Variants in FABP5 observed in about 807,000 individuals in gnomAD.
The protein encoded by FABP5 is fatty acid-binding protein 5.
In FABP5, 7 loss-of-function variants were observed where a neutral mutation model predicts 16.9. The observed-to-expected ratio is 0.41, with a 90% CI of 0.24 to 0.78. FABP5 has a LOEUF of 0.78. Among genes scored for constraint, FABP5 ranks in the 30% least tolerant of loss-of-function variants. The probability of loss-of-function intolerance (pLI) is 0.30; values close to 1 mark genes in which losing one functional copy is unlikely to be tolerated. For missense variants in FABP5, 119 were observed against 159.5 expected (o/e 0.75, Z 1.37); for synonymous variants, 37 against 52.8 (o/e 0.70, Z 1.30).
intron 1 of FABP5, among the ~76,000 whole-genome samples, chr8:81,282,702 T>C (rs1807851119): frequency 6.6e-6 from 1 of 152,178 alleles, no homozygotes; most frequent in Non-Finnish European, 1.5e-5. Context: ...TATTGAAAGG[T>C]AGGATTTTTT....
rs1807873999 is a variant in FABP5, at chr8:81,283,958, A to C, written c.338A>C (p.Asp113Ala). 6.2e-7 allele frequency: 1 copy of C among 1,608,066 alleles called. No homozygotes were observed. Among genetic ancestry groups the C allele is most frequent in the Non-Finnish European group, 8.5e-7 (1 of 1,177,858 alleles). The change falls in exon 3 of 4, where the codon GAT (aspartate) becomes GCT (alanine). Residue 113 changes from aspartate to alanine, a missense_variant. By Grantham distance (126) the Asp-to-Ala change is moderately radical (BLOSUM62 -2). Coordinates refer to ENST00000297258, the MANE Select transcript of FABP5 (RefSeq NM_001444.3). ...AGCACAATAACAAGAAAATTGAAAGATGGGAAATTAGTGGTGGTAAGTGTC... is the reference window on the plus strand; with the variant it reads ...AGCACAATAACAAGAAAATTGAAAGCTGGGAAATTAGTGGTGGTAAGTGTC... ...KESTITRKLK[D>A]GKLVVECVMN...
intron 1 of FABP5, among the ~76,000 whole-genome samples, chr8:81,282,599 A>C (rs899606574): frequency 2.0e-5 from 3 of 152,180 alleles, no homozygotes; most frequent in Non-Finnish European, 4.4e-5. Flanking sequence ...ATTACATGTT[A>C]ACGTTGAGGG....
chr8:81,284,431 A>G (rs1317223460), intron 3 of FABP5, 83 bp from the exon 4 acceptor site: 1 of 892,868 alleles, frequency 1.1e-6, no homozygotes, highest in Non-Finnish European at 1.8e-6. Context: ...ATTTCGTGGG[A>G]CTTTGATTCT....
chr8:81,284,056 A>G (rs1271486493), intron 3 of FABP5, 82 bp downstream of exon 3: 1 of 1,047,072 alleles, frequency 9.6e-7, no homozygotes. Flanking sequence ...ATTGATCATT[A>G]ACAGAACTCA....
chr8:81,283,965 A>G lies in FABP5; in HGVS notation c.345A>G (p.Lys115=), dbSNP rs1807874292. The G allele has an allele frequency of 6.2e-7, 1 of 1,606,070 alleles. No individual in the cohort carries two copies. The highest frequency in any genetic ancestry group is 1.7e-5 in the Admixed American group (1 of 59,956). The change falls in exon 3 of 4, where the codon AAA becomes AAG. Residue 115 remains lysine, a synonymous_variant. Coordinates refer to ENST00000297258, the MANE Select transcript of FABP5 (RefSeq NM_001444.3). ...TAACAAGAAAATTGAAAGATGGGAAATTAGTGGTGGTAAGTGTCAAACTGC... is the reference window on the plus strand; with the variant it reads ...TAACAAGAAAATTGAAAGATGGGAAGTTAGTGGTGGTAAGTGTCAAACTGC... ...STITRKLKDG[K]LVVECVMNNV...
intron 1 of FABP5, 63 bp from the exon 2 acceptor site, chr8:81,283,303 C>A: frequency 7.5e-7 from 1 of 1,327,068 alleles, no homozygotes; most frequent in Non-Finnish European, 1.0e-6. Context: ...GGAATTATTG[C>A]TTTTATCATG....
chr8:81,284,343 C>A, intron 3 of FABP5, 171 bp from the exon 4 acceptor site: 1 of 563,312 alleles, frequency 1.8e-6, no homozygotes, highest in Non-Finnish European at 3.2e-6. Context: ...ATATTATAAG[C>A]AAAACAACAG....
chr8:81,284,133 G>A (rs1187439361), intron 3 of FABP5, 159 bp downstream of exon 3: 4 of 611,216 alleles, frequency 6.5e-6, no homozygotes, highest in Non-Finnish European at 1.1e-5. Context: ...GAAAGTCCTA[G>A]TGGAGATAGA....
In FABP5 at chr8:81,281,480, CTGGGGG is replaced by C; in HGVS notation, c.79+810_79+815del. The C allele has an allele frequency of 2.0e-6, 2 of 985,538 alleles. No individual in the cohort carries two copies. Among genetic ancestry groups the C allele is most frequent in the Non-Finnish European group, 2.4e-6 (2 of 830,068 alleles). 61.0% of individuals were successfully genotyped at this position (985,538 alleles called of 1,614,324 possible). ...GCCTGTGGGAGGAGCGCAATGAGGC[CTGGGGG>C]TGGCCGTGTGTTGCCATCCTGGCCT... is the stretch of plus-strand genomic sequence containing the variant. On this transcript the variant is annotated intron_variant, in intron 1 of 3. Transcript: ENST00000297258. This position sits in a 1 kb window ranked among gnomAD's most constrained non-coding sequence, Gnocchi z 4.5.
chr8:81,282,800 A>G (rs747953429), intron 1 of FABP5, among the ~76,000 whole-genome samples: 3 of 152,136 alleles, frequency 2.0e-5, no homozygotes, highest in Non-Finnish European at 4.4e-5. Flanking sequence ...TATTTTGTGT[A>G]GTCTATTAAT....
chr8:81,281,306 TC>T lies in FABP5; in HGVS notation c.79+637del. 1.0e-6 allele frequency: 1 copy of T among 970,996 alleles called. No individual in the cohort carries two copies. The highest frequency in any genetic ancestry group is 1.2e-6 in the Non-Finnish European group (1 of 816,804). 60.1% of individuals were successfully genotyped at this position (970,996 alleles called of 1,614,324 possible). A position where few individuals can be genotyped will look rare whatever the true frequency, so the allele number is the denominator to read the frequency against. On this transcript the variant is annotated intron_variant, in intron 1 of 3. Transcript: ENST00000297258. This position sits in a 1 kb window ranked among gnomAD's most constrained non-coding sequence, Gnocchi z 4.5. ...CTTGCATTCCTCTGTCAGCCCCGTC[TC>T]CCCCAGGTCCTCTGCTCGCCCTTAC...
rs1273295899 is a variant in FABP5 at position 81,283,929 on chromosome 8, G to A, written c.309G>A (p.Lys103=). Residue 103 remains lysine, a synonymous_variant, in exon 3 of 4, where the codon AAG becomes AAA. Coordinates refer to ENST00000297258, the MANE Select transcript of FABP5 (RefSeq NM_001444.3). The part of the protein sequence containing the change: ...ALVQHQEWDG[K]ESTITRKLKD... ...TTCAGCATCAGGAGTGGGATGGGAA[G>A]GAAAGCACAATAACAAGAAAATTGA... The A allele has an allele frequency of 3.1e-6, 5 of 1,612,386 alleles. No homozygotes were observed. Among genetic ancestry groups the A allele is most frequent in the Non-Finnish European group, 4.2e-6 (5 of 1,179,256 alleles).
At position 81,283,934 on chromosome 8, in the gene FABP5, G is replaced by T. The variant is rs757111208; in HGVS notation, c.314G>T (p.Ser105Ile). The part of the protein sequence containing the change: ...VQHQEWDGKE[S>I]TITRKLKDGK... ...CATCAGGAGTGGGATGGGAAGGAAA[G>T]CACAATAACAAGAAAATTGAAAGAT... The change falls in exon 3 of 4, where the codon AGC becomes ATC. Residue 105 changes from serine (S) to isoleucine (I), a missense_variant. Physicochemically the swap from Ser to Ile is moderately radical, Grantham distance 142. Transcript: ENST00000297258. 12 of 1,612,216 alleles carry T rather than the reference G, an allele frequency of 7.4e-6. No individual in the cohort carries two copies. Among genetic ancestry groups the T allele is most frequent in the Non-Finnish European group, 1.0e-5 (12 of 1,179,170 alleles).
intron 3 of FABP5, 150 bp from the exon 4 acceptor site, chr8:81,284,362 TTC>T (rs567767765): frequency 1.0e-5 from 6 of 586,378 alleles, no homozygotes; most frequent in South Asian, 7.3e-5. Flanking sequence ...AGCTTCTGGC[TTC>T]TCTCAAACCC....
chr8:81,283,428 G>C lies in FABP5; in HGVS notation c.142G>C (p.Asp48His). The change falls in exon 2 of 4, where the codon GAT (aspartate) becomes CAT (histidine). Residue 48 changes from aspartate (D) to histidine (H), a missense_variant. By Grantham distance (81) the Asp-to-His change is moderately conservative. Transcript: ENST00000297258. ...CAAGCCAGATTGTATCATCACTTGT[G>C]ATGGTAAAAACCTCACCATAAAAAC... ...MAKPDCIITC[D>H]GKNLTIKTES... The C allele has an allele frequency of 6.2e-7, 1 of 1,612,026 alleles. No individual in the cohort carries two copies. Among genetic ancestry groups the C allele is most frequent in the Non-Finnish European group, 8.5e-7 (1 of 1,178,918 alleles).
At chr8:81,284,445 G>A (rs1229994108) in intron 3 of FABP5, 69 bp from the exon 4 acceptor site, 1 of 1,042,514 alleles carries the variant, frequency 9.6e-7, no homozygotes, top group South Asian at 1.3e-5. Flanking sequence ...TGATTCTAAT[G>A]TTTTAATACC....
At chr8:81,284,160 G>GGA in intron 3 of FABP5, 186 bp downstream of exon 3, 1 of 576,772 alleles carries the variant, frequency 1.7e-6, no homozygotes, top group Non-Finnish European at 3.0e-6. Context: ...ACATGACATA[G>GGA]GAGAGGATTT....
chr8:81,280,996 T>C, intron 1 of FABP5: 1 of 285,778 alleles, frequency 3.5e-6, no homozygotes, highest in Non-Finnish European at 6.7e-6. Flanking sequence ...TCCTGTCCTT[T>C]AGCGCGCGCA....
At chr8:81,280,954 C>T (rs1807819355) in intron 1 of FABP5, 1 of 412,622 alleles carries the variant, frequency 2.4e-6, no homozygotes, top group Non-Finnish European at 4.4e-6. Context: ...GCTTCTTTCC[C>T]TTCGCCCAAA....
Sources: gnomAD v4.1 joint callset for allele counts (sites outside exome capture counted in the v4.1 genomes callset) on GRCh38, gnomAD v4.1.1 for gene constraint, Gnocchi (gnomAD v3.1) non-coding constraint, MANE v1.5 for transcripts, NCBI Gene and HGNC (gene_info 2026-07-23, HGNC 2026-07-21) for gene names.